The following DTNA variants were observed in gnomAD, a reference collection of about 807,000 sequenced individuals.
DTNA encodes the protein dystrobrevin alpha.
Under a neutral mutation model 100.7 loss-of-function variants are expected in DTNA, and 43 were observed. The ratio of observed to expected loss-of-function variants is 0.43; its 90% CI spans 0.33 to 0.55. The LOEUF (loss-of-function observed/expected upper bound fraction) is 0.55, where lower values mean the gene tolerates loss of function less well. Among genes scored for constraint, DTNA ranks in the 20% least tolerant of loss-of-function variants. The pLI is 0.04. For synonymous variants in DTNA, 349 were observed against 347.9 expected (o/e 1.00, Z -0.04); for missense variants, 798 against 953.9 (o/e 0.84, Z 2.15).
At chr18:34,684,670 C>T (rs192592207) in intron 1 of DTNA, among the ~76,000 whole-genome samples, 1 of 152,100 alleles carries the variant, frequency 6.6e-6, no homozygotes, top group Non-Finnish European at 1.5e-5. Flanking sequence ...CCCAGTAATA[C>T]GATTGCTAGG....
At chr18:34,818,024 T>C in intron 7 of DTNA, 140 bp from the exon 8 acceptor site, 2 of 1,556,538 alleles carry the variant, frequency 1.3e-6, no homozygotes, top group Non-Finnish European at 1.7e-6. Context: ...ATGAACTAAA[T>C]GTTTCTCTGA....
At chr18:34,776,854 C>G (rs2094081423) in intron 3 of DTNA, among the ~76,000 whole-genome samples, 1 of 152,204 alleles carries the variant, frequency 6.6e-6, no homozygotes, top group Admixed American at 6.5e-5. Flanking sequence ...TCTGGTTACT[C>G]TGTTCCATCC....
chr18:34,512,090 T>A (rs2041145773), intron 1 of DTNA, among the ~76,000 whole-genome samples: 1 of 152,048 alleles, frequency 6.6e-6, no homozygotes, highest in Non-Finnish European at 1.5e-5. Flanking sequence ...GTCACCCTGC[T>A]GGTTATATGC....
chr18:34,843,340 T>C (rs2096307639), intron 13 of DTNA, among the ~76,000 whole-genome samples: 1 of 152,162 alleles, frequency 6.6e-6, no homozygotes, highest in African/African-American at 2.4e-5. Context: ...CTTAAAGTGA[T>C]AATTGGGCAA....
At chr18:34,745,208 T>C (rs1315912680) in intron 1 of DTNA, among the ~76,000 whole-genome samples, 3 of 152,066 alleles carry the variant, frequency 2.0e-5, no homozygotes, top group East Asian at 3.9e-4. Flanking sequence ...CTCCTGCCTC[T>C]CCCCTTCCCA....
At chr18:34,882,455 G>A (rs896710706) in intron 21 of DTNA, among the ~76,000 whole-genome samples, 3 of 151,782 alleles carry the variant, frequency 2.0e-5, no homozygotes, top group East Asian at 3.9e-4. Context: ...TGCAACCTCC[G>A]TCTCCCTGAT....
chr18:34,876,135 T>A (rs637914), intron 18 of DTNA, among the ~76,000 whole-genome samples: 56,268 of 152,140 alleles, frequency 0.37, 11,264 homozygotes, highest in African/African-American at 0.51. Context: ...AGTTTTGCTT[T>A]TGTGTAAATA....
chr18:34,769,619 A>C (rs895840447), intron 3 of DTNA, among the ~76,000 whole-genome samples: 3 of 151,806 alleles, frequency 2.0e-5, no homozygotes, highest in African/African-American at 7.3e-5. Flanking sequence ...TCCAAAATCA[A>C]GGCACTGCCA....
intron 4 of DTNA, among the ~76,000 whole-genome samples, chr18:34,804,348 G>A (rs17643637): frequency 0.1 from 15,709 of 152,216 alleles, 1,042 homozygotes; most frequent in South Asian, 0.15. Context: ...GGCGGCCAGA[G>A]GGTTTTAAGC....
At chr18:34,627,748 G>T (rs1213494997) in intron 1 of DTNA, among the ~76,000 whole-genome samples, 1 of 152,138 alleles carries the variant, frequency 6.6e-6, no homozygotes, top group African/African-American at 2.4e-5. Flanking sequence ...GTGCAGCTGT[G>T]CTTATTGAGA....
At chr18:34,876,092 A>G (rs1366529255) in intron 18 of DTNA, among the ~76,000 whole-genome samples, 1 of 152,262 alleles carries the variant, frequency 6.6e-6, no homozygotes, top group Non-Finnish European at 1.5e-5. Context: ...CATTCCCAGA[A>G]GTAACCACTA....
chr18:34,498,389 C>T (rs922977104), intron 1 of DTNA, among the ~76,000 whole-genome samples: 6 of 150,542 alleles, frequency 4.0e-5, no homozygotes, highest in Non-Finnish European at 8.9e-5. Flanking sequence ...GCCGAGATCG[C>T]GCCACTGTGC....
intron 1 of DTNA, among the ~76,000 whole-genome samples, chr18:34,663,774 A>G (rs139057167): frequency 2.3e-4 from 35 of 152,362 alleles, no homozygotes; most frequent in Non-Finnish European, 4.7e-4. Context: ...TGAAAAGCCT[A>G]CATCTGCCAC....
At chr18:34,761,072 TGTCA>T (rs1348113319) in intron 2 of DTNA, among the ~76,000 whole-genome samples, 1 of 152,020 alleles carries the variant, frequency 6.6e-6, no homozygotes, top group Non-Finnish European at 1.5e-5. Flanking sequence ...TTTATCTTCC[TGTCA>T]GTATCTCTCT....
At chr18:34,560,789 C>T (rs1053058283) in intron 1 of DTNA, among the ~76,000 whole-genome samples, 3 of 151,986 alleles carry the variant, frequency 2.0e-5, no homozygotes, top group Non-Finnish European at 2.9e-5. Flanking sequence ...GGCATAGTGG[C>T]GTGTGCCTAT....
intron 17 of DTNA, among the ~76,000 whole-genome samples, chr18:34,872,470 G>C (rs1209826384): frequency 1.3e-5 from 2 of 152,158 alleles, no homozygotes; most frequent in Non-Finnish European, 2.9e-5. Flanking sequence ...ATATGTTCCA[G>C]AATTTGGCAT....
Position 34,844,156 on chromosome 18 carries a change from A to G in DTNA, c.1347-4140A>G, listed in dbSNP as rs114320556. Among the ~76,000 whole-genome samples the G allele has an allele frequency of 4.4e-3, 665 of 152,232 alleles. 5 individuals carry two copies. The highest frequency in any genetic ancestry group is 0.016 in the African/African-American group (647 of 41,532). The stretch of plus-strand genomic sequence containing the variant: ...GAGTCTGAGAGTTTTTAGAAGATAG[A>G]ATGCATGACCTCAACTGTAACATAG... On this transcript the variant is annotated intron_variant, in intron 13 of 22. Coordinates refer to ENST00000444659, the MANE Select transcript of DTNA (RefSeq NM_001386795.1).
intron 1 of DTNA, among the ~76,000 whole-genome samples, chr18:34,531,216 G>T (rs575393980): frequency 6.6e-6 from 1 of 152,176 alleles, no homozygotes; most frequent in South Asian, 2.1e-4. Context: ...TATAATTCAT[G>T]ACGCTTTGTT....
chr18:34,521,764 C>T (rs1005273716), intron 1 of DTNA, among the ~76,000 whole-genome samples: 1 of 152,156 alleles, frequency 6.6e-6, no homozygotes, highest in African/African-American at 2.4e-5. Context: ...TCCTCAGTGA[C>T]GACTTCTCTA....
Sources: allele counts gnomAD v4.1 joint callset (sites outside exome capture counted in the v4.1 genomes callset), GRCh38; gene constraint gnomAD v4.1.1; transcripts MANE v1.5; gene names NCBI Gene and HGNC (gene_info 2026-07-23, HGNC 2026-07-21).